The following PTPRK variants were observed in gnomAD, a reference collection of about 807,000 sequenced individuals.
The protein encoded by PTPRK is receptor-type tyrosine-protein phosphatase kappa.
Under a neutral mutation model 178.0 loss-of-function variants are expected in PTPRK, and 75 were observed. That is an observed-to-expected ratio of 0.42 (90% CI 0.35 to 0.51). The LOEUF is 0.51. Ranked by LOEUF, PTPRK falls within the 20% of genes least tolerant of loss-of-function variation. PTPRK has a pLI of 0.02. For missense variants in PTPRK, 1,441 were observed against 1,797.8 expected, an observed-to-expected ratio of 0.80 and a Z score of 3.59; for synonymous variants, 637 against 620.6, an observed-to-expected ratio of 1.03 and a Z score of -0.39.
chr6:128,116,916 G>A (rs1791618982), intron 7 of PTPRK, among the ~76,000 whole-genome samples: 1 of 152,192 alleles, frequency 6.6e-6, no homozygotes, highest in Non-Finnish European at 1.5e-5. Flanking sequence ...GGAGGCCGAG[G>A]CGTGTGGATC....
intron 13 of PTPRK, chr6:128,062,861 T>C (rs920238090): frequency 2.6e-5 from 4 of 151,610 alleles, no homozygotes; most frequent in South Asian, 2.1e-4. Flanking sequence ...TTTTTTTTTT[T>C]AAATTTTCAG....
intron 7 of PTPRK, among the ~76,000 whole-genome samples, chr6:128,094,807 G>T (rs1787629714): frequency 6.6e-6 from 1 of 152,012 alleles, no homozygotes; most frequent in Non-Finnish European, 1.5e-5. Flanking sequence ...TCCTTTCAGA[G>T]ATAAGAGAAA....
intron 3 of PTPRK, among the ~76,000 whole-genome samples, chr6:128,243,488 T>TAAAAAAAAAAAAAAAAAAAAAA (rs760606919): frequency 2.7e-4 from 16 of 59,140 alleles, no homozygotes; most frequent in South Asian, 6.7e-4. Flanking sequence ...AGCCTGTCGC[T>TAAAAAAAAAAAAAAAAAAAAAA]AAAAAAAAAA....
intron 6 of PTPRK, among the ~76,000 whole-genome samples, chr6:128,195,196 T>C (rs1335555738): frequency 6.6e-6 from 1 of 152,002 alleles, no homozygotes; most frequent in African/African-American, 2.4e-5. Context: ...TAGAAGATTT[T>C]TGTGACACTT....
intron 11 of PTPRK, among the ~76,000 whole-genome samples, chr6:128,077,019 T>C (rs73584642): frequency 0.019 from 2,896 of 152,154 alleles, 88 homozygotes; most frequent in African/African-American, 0.067. Context: ...CATTATATAG[T>C]ACAGTGATGC....
At chr6:128,482,961 T>C (rs905308500) in intron 1 of PTPRK, among the ~76,000 whole-genome samples, 1 of 152,152 alleles carries the variant, frequency 6.6e-6, no homozygotes, top group Non-Finnish European at 1.5e-5. Context: ...ACCAACATTG[T>C]CCTTTTTTCT....
intron 3 of PTPRK, 21 bp downstream of exon 3, chr6:128,322,018 C>T: frequency 1.2e-6 from 2 of 1,613,632 alleles, no homozygotes; most frequent in South Asian, 2.2e-5. Flanking sequence ...AAACATACAC[C>T]AGAAAAGTAC....
chr6:128,263,980 C>T (rs566770580), intron 3 of PTPRK, among the ~76,000 whole-genome samples: 1 of 152,158 alleles, frequency 6.6e-6, no homozygotes, highest in East Asian at 1.9e-4. Flanking sequence ...CAAGGAGGTC[C>T]TTGAAGATAG....
chr6:128,322,014 A>G (rs760250820), intron 3 of PTPRK, 25 bp downstream of exon 3: 1 of 1,613,682 alleles, frequency 6.2e-7, no homozygotes, highest in Non-Finnish European at 8.5e-7. Flanking sequence ...ATCAAAACAT[A>G]CACCAGAAAA....
chr6:128,000,251 T>G (rs773441378), intron 15 of PTPRK: 7 of 1,214,684 alleles, frequency 5.8e-6, no homozygotes, highest in Non-Finnish European at 7.4e-6. Context: ...GCTAGTACAT[T>G]TGCCTGTTCT....
At chr6:128,067,020 C>T (rs1388163500) in intron 12 of PTPRK, among the ~76,000 whole-genome samples, 1 of 152,154 alleles carries the variant, frequency 6.6e-6, no homozygotes, top group Admixed American at 6.6e-5. Context: ...ACCACAGGCG[C>T]CCTATTACTT....
chr6:128,121,992 C>T (rs1425888593), intron 7 of PTPRK, among the ~76,000 whole-genome samples: 2 of 152,194 alleles, frequency 1.3e-5, no homozygotes, highest in African/African-American at 2.4e-5. Context: ...CAGTTAACAC[C>T]TGTAAGGTAA....
chr6:128,030,575 T>C (rs770540887), intron 13 of PTPRK, among the ~76,000 whole-genome samples: 10 of 152,290 alleles, frequency 6.6e-5, no homozygotes, highest in Non-Finnish European at 1.3e-4. Context: ...CATCTTGAAA[T>C]TGCATTCTTG....
chr6:128,495,692 A>G (rs1284430072), intron 1 of PTPRK, among the ~76,000 whole-genome samples: 3 of 152,236 alleles, frequency 2.0e-5, no homozygotes, highest in African/African-American at 7.2e-5. Flanking sequence ...TTTTCACACT[A>G]TACTGAGGGC....
chr6:128,167,623 T>C (rs1799610614), intron 7 of PTPRK, among the ~76,000 whole-genome samples: 1 of 152,018 alleles, frequency 6.6e-6, no homozygotes, highest in African/African-American at 2.4e-5. Flanking sequence ...AAATAATTCC[T>C]AGATAATTTT....
chr6:128,045,041 C>T (rs1233990875), intron 13 of PTPRK, among the ~76,000 whole-genome samples: 2 of 151,928 alleles, frequency 1.3e-5, no homozygotes, highest in Non-Finnish European at 2.9e-5. Context: ...ACTTTTCTGC[C>T]TCTGCTTACA....
rs150957599 is a variant in PTPRK, at chr6:128,504,762, A to G, written c.100+15497T>C. ...GATTGAAAGCCAGAGCCTGAATCAC[A>G]CTGGTTAAAATTTATGGTTTCTCAT... On this transcript the variant is annotated intron_variant, in intron 1 of 29. Transcript: ENST00000368226. Among the ~76,000 whole-genome samples the G allele has an allele frequency of 6.9e-3, 1,050 of 152,210 alleles. 13 individuals are homozygous for G. The highest frequency in any genetic ancestry group is 0.024 in the African/African-American group (996 of 41,542).
At chr6:128,107,103 T>A (rs149707838) in intron 7 of PTPRK, among the ~76,000 whole-genome samples, 3 of 152,074 alleles carry the variant, frequency 2.0e-5, no homozygotes, top group Non-Finnish European at 4.4e-5. Context: ...TACATTCTGA[T>A]AAATAACCAA....
At chr6:128,328,939 C>T (rs1829916603) in intron 2 of PTPRK, among the ~76,000 whole-genome samples, 1 of 152,092 alleles carries the variant, frequency 6.6e-6, no homozygotes, top group Non-Finnish European at 1.5e-5. Flanking sequence ...CTTCATCTTT[C>T]AATCTGTTGT....
Sources: allele counts gnomAD v4.1 joint callset (sites outside exome capture counted in the v4.1 genomes callset), GRCh38; gene constraint gnomAD v4.1.1; transcripts MANE v1.5; gene names NCBI Gene and HGNC (gene_info 2026-07-23, HGNC 2026-07-21).